ARFGEF2: variants seen among roughly 807,000 people sequenced by gnomAD.
ARFGEF2 encodes the protein ARF guanine nucleotide exchange factor 2.
Under a neutral mutation model 219.9 loss-of-function variants are expected in ARFGEF2, and 74 were observed. The observed-to-expected ratio is 0.34, with a 90% CI of 0.28 to 0.41. The LOEUF is 0.41. ARFGEF2 is among the 10% of genes least tolerant of loss of function. ARFGEF2 has a pLI of 1.00. For synonymous variants in ARFGEF2, 733 were observed against 799.2 expected (o/e 0.92, Z 1.40); for missense variants, 1,743 against 2,218.3 (o/e 0.79, Z 4.30).
chr20:48,944,199 A>T (rs553779520), intron 3 of ARFGEF2, among the ~76,000 whole-genome samples: 1 of 152,346 alleles, frequency 6.6e-6, no homozygotes, highest in African/African-American at 2.4e-5. Flanking sequence ...TCCTACTTCT[A>T]TCCTAAAATA....
intron 27 of ARFGEF2, among the ~76,000 whole-genome samples, chr20:49,011,451 C>T (rs1352223418): frequency 6.6e-6 from 1 of 152,174 alleles, no homozygotes; most frequent in Non-Finnish European, 1.5e-5. Context: ...AAAATAAATA[C>T]AACAACTTGC....
chr20:48,989,783 ACT>A, intron 20 of ARFGEF2, 99 bp downstream of exon 20: 1 of 1,557,286 alleles, frequency 6.4e-7, no homozygotes, highest in Non-Finnish European at 8.7e-7. Flanking sequence ...GTTAATCAAG[ACT>A]CTTAGCAAGC....
At chr20:48,961,765 G>A (rs1036961225) in intron 6 of ARFGEF2, among the ~76,000 whole-genome samples, 1 of 151,922 alleles carries the variant, frequency 6.6e-6, no homozygotes, top group East Asian at 1.9e-4. Flanking sequence ...TCAGGAGGCT[G>A]AGGCAGGAGA....
chr20:48,927,716 A>G (rs958480628), intron 1 of ARFGEF2, among the ~76,000 whole-genome samples: 3 of 152,024 alleles, frequency 2.0e-5, no homozygotes, highest in Non-Finnish European at 2.9e-5. Flanking sequence ...AAATAAATAA[A>G]TAAATTGACA....
chr20:49,036,218 G>A lies in ARFGEF2; in HGVS notation c.*3019G>A. ...TATTTGTGTTAAAGTAGACATAGCT[G>A]AACTCACATGGAATCCTGGAGTTTT... On this transcript the variant is annotated 3_prime_UTR_variant, in exon 39 of 39. Coordinates refer to ENST00000371917, the MANE Select transcript of ARFGEF2 (RefSeq NM_006420.3). 1 of 398,306 alleles carries A rather than the reference G, an allele frequency of 2.5e-6. No homozygotes were observed. The highest frequency in any genetic ancestry group is 3.6e-5 in the East Asian group (1 of 27,994). The allele number at this position is 398,306 out of a possible 1,614,324, so 24.7% of individuals were successfully genotyped here. A position where few individuals can be genotyped will look rare whatever the true frequency, so the allele number is the denominator to read the frequency against.
chr20:49,010,529 C>T (rs1316257121), intron 27 of ARFGEF2, 125 bp downstream of exon 27: 1 of 1,110,184 alleles, frequency 9.0e-7, no homozygotes, highest in Admixed American at 1.9e-5. Context: ...TAGTAATGTG[C>T]CAGGCCGTGT....
chr20:48,941,242 A>G lies in ARFGEF2; in HGVS notation c.152+13A>G, dbSNP rs374535118. ...TAGAAAAGCAGAGGTAAGCTATAGC[A>G]CTACCTCCTTGCTGAGATACGGCAT... On this transcript the variant is annotated intron_variant, in intron 2 of 38. Transcript: ENST00000371917. 6.2e-7 allele frequency: 1 copy of G among 1,612,744 alleles called. No homozygotes were observed. The highest frequency in any genetic ancestry group is 8.5e-7 in the Non-Finnish European group (1 of 1,179,156).
At chr20:48,992,298 C>T (rs1229302457) in intron 21 of ARFGEF2, among the ~76,000 whole-genome samples, 1 of 151,946 alleles carries the variant, frequency 6.6e-6, no homozygotes, top group East Asian at 1.9e-4. Context: ...CTGTTTTATT[C>T]TTTTTTTTCT....
intron 10 of ARFGEF2, 151 bp from the exon 11 acceptor site, chr20:48,972,175 G>T (rs1029089291): frequency 1.0e-5 from 7 of 674,114 alleles, no homozygotes; most frequent in Non-Finnish European, 1.9e-5. Context: ...CCAGGGTCCC[G>T]TTGCTGCCCA....
At chr20:49,007,564 C>T (rs1273509977) in intron 26 of ARFGEF2, among the ~76,000 whole-genome samples, 1 of 144,586 alleles carries the variant, frequency 6.9e-6, no homozygotes, top group Non-Finnish European at 1.5e-5. Context: ...GCTGGGATTA[C>T]AGGCGTGAGC....
At chr20:48,975,976 A>T (rs773087717) in intron 13 of ARFGEF2, 40 bp from the exon 14 acceptor site, 1 of 1,609,908 alleles carries the variant, frequency 6.2e-7, no homozygotes, top group Admixed American at 1.7e-5. Context: ...TCTGTGTCCC[A>T]CTTGCTTATT....
intron 14 of ARFGEF2, among the ~76,000 whole-genome samples, chr20:48,982,148 G>A (rs1269942808): frequency 3.3e-5 from 5 of 152,178 alleles, no homozygotes; most frequent in Non-Finnish European, 7.4e-5. Flanking sequence ...TGATGCTGGT[G>A]ACCTACAGAT....
At chr20:48,995,368 A>G (rs1175389314) in intron 22 of ARFGEF2, among the ~76,000 whole-genome samples, 1 of 152,128 alleles carries the variant, frequency 6.6e-6, no homozygotes, top group Non-Finnish European at 1.5e-5. Flanking sequence ...GGGGAATTGT[A>G]ATAGCACCCA....
At chr20:48,974,284 C>G (rs926354063) in intron 12 of ARFGEF2, among the ~76,000 whole-genome samples, 3 of 151,910 alleles carry the variant, frequency 2.0e-5, no homozygotes, top group African/African-American at 7.3e-5. Flanking sequence ...TGCCACCACA[C>G]CCGGCTGATT....
At chr20:48,981,345 G>A (rs1202178094) in intron 14 of ARFGEF2, among the ~76,000 whole-genome samples, 1 of 152,240 alleles carries the variant, frequency 6.6e-6, no homozygotes, top group East Asian at 1.9e-4. Flanking sequence ...TCTGCTGAGA[G>A]ATCCGCTATT....
chr20:48,988,851 G>A (rs2091341419), intron 18 of ARFGEF2, among the ~76,000 whole-genome samples, 189 bp downstream of exon 18: 1 of 152,168 alleles, frequency 6.6e-6, no homozygotes, highest in Admixed American at 6.5e-5. Flanking sequence ...TTCTGATGAG[G>A]AGCAAGAAGG....
chr20:49,013,625 G>A lies in ARFGEF2; in HGVS notation c.3980G>A (p.Arg1327Gln), dbSNP rs771587053. The A allele has an allele frequency of 1.2e-6, 2 of 1,614,176 alleles. No homozygotes were observed. Among genetic ancestry groups the A allele is most frequent in the Non-Finnish European group, 8.5e-7 (1 of 1,180,024 alleles). The change falls in exon 29 of 39, where the codon CGA becomes CAA. Residue 1327 changes from arginine to glutamine, a missense_variant. Coordinates refer to ENST00000371917, the MANE Select transcript of ARFGEF2 (RefSeq NM_006420.3). Reference protein sequence around the residue: ...NVAPGDRVWVRGWFPILFELS... With the variant: ...NVAPGDRVWVQGWFPILFELS... ...GCTCCTGGTGACAGAGTCTGGGTCC[G>A]AGGCTGGTTCCCCATCTTATTCGAA...
intron 27 of ARFGEF2, among the ~76,000 whole-genome samples, chr20:49,010,631 T>C (rs2091492322): frequency 6.6e-6 from 1 of 152,192 alleles, no homozygotes; most frequent in African/African-American, 2.4e-5. Context: ...TATCAGTCAG[T>C]TGGGGTCCAG....
intron 3 of ARFGEF2, among the ~76,000 whole-genome samples, chr20:48,948,570 G>A (rs187519674): frequency 7.2e-5 from 11 of 152,266 alleles, no homozygotes; most frequent in South Asian, 6.2e-4. Flanking sequence ...CATTCATGTG[G>A]GTGGGATAAC....
Sources: allele counts gnomAD v4.1 joint callset (sites outside exome capture counted in the v4.1 genomes callset), GRCh38; gene constraint gnomAD v4.1.1; transcripts MANE v1.5; gene names NCBI Gene and HGNC (gene_info 2026-07-23, HGNC 2026-07-21).